Variants in SLC19A1 observed in about 807,000 individuals in gnomAD.
SLC19A1 encodes reduced folate transporter.
SLC19A1 carries 37 observed loss-of-function variants against 35.3 expected under a neutral mutation model. The ratio of observed to expected loss-of-function variants is 1.05; its 90% CI spans 0.81 to 1.38. The LOEUF is 1.38. Among genes scored for constraint, SLC19A1 ranks in the 40% most tolerant of loss-of-function variants. SLC19A1 has a pLI of 0.00. For missense variants in SLC19A1, 831 were observed against 826.9 expected (o/e 1.00, Z -0.06); for synonymous variants, 460 against 398.5 (o/e 1.15, Z -1.84).
intron 4 of SLC19A1, among the ~76,000 whole-genome samples, chr21:45,529,687 G>A (rs1388310636): frequency 6.6e-6 from 1 of 151,226 alleles, no homozygotes; most frequent in East Asian, 1.9e-4. Flanking sequence ...GTGTGAGCAT[G>A]TGTTGTGTGT....
chr21:45,505,955 C>T lies in SLC19A1; in HGVS notation c.498-7343G>A, dbSNP rs1466756224. On this transcript the variant is annotated intron_variant, in intron 3 of 4. Transcript: ENST00000417954. ...CTACGTCCGCGTGCAGAACGGGTTC[C>T]GGAAGGTCCAGGTGAGCGCTCTGTG... The T allele has an allele frequency of 8.7e-6, 14 of 1,613,034 alleles. No individual in the cohort carries two copies. In the Admixed American group the frequency reaches 1.2e-4, roughly 13 times the overall value.
At chr21:45,523,709 C>G (rs906768906) in intron 5 of SLC19A1, among the ~76,000 whole-genome samples, 1 of 152,216 alleles carries the variant, frequency 6.6e-6, no homozygotes, top group East Asian at 1.9e-4. Flanking sequence ...CAGGGGCAGT[C>G]AGCACCCAGA....
At position 45,504,037 on chromosome 21, in the gene SLC19A1, T is replaced by C. The variant is rs1277406089; in HGVS notation, c.498-5425A>G. 7 of 1,613,538 alleles carry C rather than the reference T, an allele frequency of 4.3e-6. No homozygotes were observed. The highest frequency in any genetic ancestry group is 2.2e-5 in the South Asian group (2 of 91,086). ...GCAGTTTCCGTTTGACTTTCTTCAG[T>C]TGGAGGCTGAAATGAAGGTGGGTGA... On this transcript the variant is annotated intron_variant, in intron 3 of 4. Coordinates refer to the SLC19A1 transcript ENST00000417954.
downstream of SLC19A1, among the ~76,000 whole-genome samples, chr21:45,508,897 G>A (rs145547815): frequency 0.02 from 3,046 of 152,254 alleles, 51 homozygotes; most frequent in South Asian, 0.034. Flanking sequence ...GCTGAGGGCC[G>A]TGGGGAAAGG....
chr21:45,538,745 C>T (rs577380976), intron 1 of SLC19A1, among the ~76,000 whole-genome samples: 2 of 152,280 alleles, frequency 1.3e-5, no homozygotes, highest in East Asian at 3.9e-4. Flanking sequence ...CCAGCATCCC[C>T]GGCGGCAGGT....
downstream of SLC19A1, chr21:45,507,721 G>C (rs2037307775): frequency 2.8e-5 from 25 of 882,416 alleles, no homozygotes; most frequent in South Asian, 3.4e-4. Context: ...CTCACCATCA[G>C]CCCCTGCTGC....
chr21:45,557,269 G>A (rs985125887), intron 1 of SLC19A1, among the ~76,000 whole-genome samples: 2 of 152,210 alleles, frequency 1.3e-5, no homozygotes, highest in African/African-American at 4.8e-5. Flanking sequence ...CAGCGGCCCG[G>A]GAGATGGGTC....
chr21:45,522,295 T>C (rs1313125240), intron 5 of SLC19A1, among the ~76,000 whole-genome samples: 1 of 152,060 alleles, frequency 6.6e-6, no homozygotes, highest in Admixed American at 6.6e-5. Context: ...CACAATGAAA[T>C]ATCACTACAC....
chr21:45,509,970 G>C, downstream of SLC19A1: 1 of 1,413,376 alleles, frequency 7.1e-7, no homozygotes, highest in Non-Finnish European at 9.6e-7. Context: ...GGCCGTGCCT[G>C]TCCACACAGG....
chr21:45,505,297 G>T lies in SLC19A1; in HGVS notation c.498-6685C>A, dbSNP rs561197506. The T allele has an allele frequency of 2.5e-6, 4 of 1,606,924 alleles. No individual in the cohort carries two copies. In the South Asian group the frequency reaches 3.3e-5, roughly 13 times the overall value. On this transcript the variant is annotated intron_variant, in intron 3 of 4. Coordinates refer to the SLC19A1 transcript ENST00000417954. ...AGGCAGAGTAAGTCAGTGGGGAGTGGGCCCCGGGCAGAGGCCGCCTCGTGT... is the reference window on the plus strand; with the variant it reads ...AGGCAGAGTAAGTCAGTGGGGAGTGTGCCCCGGGCAGAGGCCGCCTCGTGT...
At position 45,540,582 on chromosome 21, in the gene SLC19A1, C is replaced by T. The variant is rs986900276; in HGVS notation, c.-50+1786G>A. On this transcript the variant is annotated intron_variant, in intron 1 of 5. Transcript: ENST00000311124. The surrounding 1 kb of genome is among the most constrained non-coding windows in gnomAD (Gnocchi z 5.5). ...TCAACTTATGTGCCGTGAACGTAGCCCACTGACAGAGGCTTGGCCATCACG... is the reference window on the plus strand; with the variant it reads ...TCAACTTATGTGCCGTGAACGTAGCTCACTGACAGAGGCTTGGCCATCACG... Among the ~76,000 whole-genome samples the T allele has an allele frequency of 6.6e-6, 1 of 152,198 alleles. No homozygotes were observed. The highest frequency in any genetic ancestry group is 2.4e-5 in the African/African-American group (1 of 41,450).
At position 45,530,361 on chromosome 21, in the gene SLC19A1, AGT is replaced by A. The variant is rs952803705; in HGVS notation, c.1151+407_1151+408del. On this transcript the variant is annotated intron_variant, in intron 4 of 5. Transcript: ENST00000311124. This position sits in a 1 kb window ranked among gnomAD's most constrained non-coding sequence, Gnocchi z 5.3. The stretch of plus-strand genomic sequence containing the variant: ...TCTGTGCGCATGTGGTGTGTTCATG[AGT>A]GTGTGTGTGTCCATGTGTGAGCGTG... 9.7e-5 allele frequency among the ~76,000 whole-genome samples: 14 copies of A among 143,684 alleles called. No individual in the cohort carries two copies. Among genetic ancestry groups the A allele is most frequent in the African/African-American group, 1.6e-4 (6 of 38,302 alleles). 94.3% of individuals were successfully genotyped at this position (143,684 alleles called of 152,430 possible).
intron 4 of SLC19A1, among the ~76,000 whole-genome samples, chr21:45,527,628 C>T (rs1180134147): frequency 1.5e-5 from 1 of 64,822 alleles, no homozygotes. Flanking sequence ...CCAGGCAGGG[C>T]GGGCCCTGGA....
At chr21:45,558,820 T>C (rs964293262) in intron 1 of SLC19A1, among the ~76,000 whole-genome samples, 3 of 151,650 alleles carry the variant, frequency 2.0e-5, no homozygotes, top group Non-Finnish European at 2.9e-5. Context: ...TTTCTTTTTT[T>C]TTTTTTTGAG....
intron 1 of SLC19A1, among the ~76,000 whole-genome samples, chr21:45,558,600 C>T (rs1318681938): frequency 6.6e-6 from 1 of 152,020 alleles, no homozygotes; most frequent in Non-Finnish European, 1.5e-5. Flanking sequence ...GAGAGGACTG[C>T]GTTTGGTTTG....
chr21:45,520,856 A>G (rs1331500421), intron 5 of SLC19A1, among the ~76,000 whole-genome samples: 2 of 152,160 alleles, frequency 1.3e-5, no homozygotes, highest in African/African-American at 2.4e-5. Flanking sequence ...CCCCGTCTCT[A>G]CTAAAAACAT....
intron 3 of SLC19A1, chr21:45,506,438 T>C: frequency 3.6e-6 from 1 of 279,536 alleles, no homozygotes; most frequent in Non-Finnish European, 7.1e-6. Flanking sequence ...AGCACGGGCC[T>C]TGCTCACCAG....
chr21:45,557,311 G>T (rs780325351), intron 1 of SLC19A1, among the ~76,000 whole-genome samples: 1 of 152,196 alleles, frequency 6.6e-6, no homozygotes, highest in Non-Finnish European at 1.5e-5. Flanking sequence ...CCTTGGCCTC[G>T]TGACACCCTG....
intron 2 of SLC19A1, among the ~76,000 whole-genome samples, chr21:45,537,016 A>G (rs1268572066): frequency 1.3e-5 from 2 of 152,216 alleles, no homozygotes; most frequent in Admixed American, 1.3e-4. Context: ...AACAGTTTCA[A>G]TAAGACCCTT....
Sources: allele counts gnomAD v4.1 joint callset (sites outside exome capture counted in the v4.1 genomes callset), GRCh38; gene constraint gnomAD v4.1.1; non-coding constraint Gnocchi (gnomAD v3.1); transcripts MANE v1.5; gene names NCBI Gene and HGNC (gene_info 2026-07-23, HGNC 2026-07-21).